ATAD5: variants seen among roughly 807,000 people sequenced by gnomAD.
The protein encoded by ATAD5 is ATPase family AAA domain-containing protein 5.
In ATAD5, 58 loss-of-function variants were observed where a neutral mutation model predicts 176.9. The ratio of observed to expected loss-of-function variants is 0.33; its 90% CI spans 0.27 to 0.41. The LOEUF is 0.41. ATAD5 is among the 10% of genes least tolerant of loss of function. The pLI is 1.00. For missense variants in ATAD5, 1,789 were observed against 2,094.1 expected (o/e 0.85, Z 2.84); for synonymous variants, 640 against 712.6 (o/e 0.90, Z 1.62).
In ATAD5 at chr17:30,836,071, C is replaced by T. The variant is rs557425528; in HGVS notation, c.1967+23C>T. Reference sequence around the variant, plus strand: ...TAGGTAAGGTTTGTTTTTGTTCTAACGTTCTAGTATTCTGCATGTATTATT... The same window carrying T: ...TAGGTAAGGTTTGTTTTTGTTCTAATGTTCTAGTATTCTGCATGTATTATT... On this transcript the variant is annotated intron_variant, in intron 2 of 22. Coordinates refer to ENST00000321990, the MANE Select transcript of ATAD5 (RefSeq NM_024857.5). 5.8e-6 allele frequency: 9 copies of T among 1,542,932 alleles called. No homozygotes were observed. In the South Asian group the frequency reaches 6.4e-5, roughly 11 times the overall value.
chr17:30,868,218 C>T, intron 11 of ATAD5, 115 bp from the exon 12 acceptor site: 1 of 751,996 alleles, frequency 1.3e-6, no homozygotes, highest in Non-Finnish European at 1.9e-6. Context: ...AGTTGAATGG[C>T]CAGTGGCAGA....
At position 30,848,929 on chromosome 17, in the gene ATAD5, G is replaced by T. The variant is rs556018926; in HGVS notation, c.2450+4013G>T. Among the ~76,000 whole-genome samples, 3 of 152,214 alleles carry T rather than the reference G, an allele frequency of 2.0e-5. No homozygotes were observed. The East Asian group carries it at 5.8e-4, about 29-fold the overall frequency. On this transcript the variant is annotated intron_variant, in intron 6 of 22. Coordinates refer to ENST00000321990, the MANE Select transcript of ATAD5 (RefSeq NM_024857.5). The stretch of plus-strand genomic sequence containing the variant: ...TCTGTCGCCCAGACTGGAGTACAGT[G>T]GCATGATCTTGGCTCACTGCAGTCT...
At chr17:30,857,206 G>T in intron 8 of ATAD5, 94 bp downstream of exon 8, 1 of 1,366,778 alleles carries the variant, frequency 7.3e-7, no homozygotes, top group South Asian at 1.4e-5. Flanking sequence ...AGCCTCGAGT[G>T]TTGTCCTAGA....
At chr17:30,859,503 G>A (rs1053788008) in intron 9 of ATAD5, among the ~76,000 whole-genome samples, 5 of 152,092 alleles carry the variant, frequency 3.3e-5, no homozygotes, top group African/African-American at 9.7e-5. Flanking sequence ...GAGATTGCAG[G>A]CACCTGCCAC....
At position 30,876,566 on chromosome 17, in the gene ATAD5, G is replaced by T; in HGVS notation, c.3784+16G>T. On this transcript the variant is annotated intron_variant, in intron 15 of 22. Coordinates refer to ENST00000321990, the MANE Select transcript of ATAD5 (RefSeq NM_024857.5). The stretch of plus-strand genomic sequence containing the variant: ...AATAATAAAGGTAAGACATTAAATT[G>T]ACAAATTTTATATTTTTTAATAATA... The T allele has an allele frequency of 6.8e-7, 1 of 1,480,936 alleles. No individual in the cohort carries two copies. Among genetic ancestry groups the T allele is most frequent in the South Asian group, 1.2e-5 (1 of 80,158 alleles). 91.7% of individuals were successfully genotyped at this position (1,480,936 alleles called of 1,614,324 possible). A position where few individuals can be genotyped will look rare whatever the true frequency, so the allele number is the denominator to read the frequency against.
chr17:30,893,198 G>T, intron 20 of ATAD5, 96 bp from the exon 21 acceptor site: 1 of 1,310,112 alleles, frequency 7.6e-7, no homozygotes, highest in Non-Finnish European at 1.0e-6. Context: ...TCAGTACTTT[G>T]AATTTAGAAT....
Position 30,832,356 on chromosome 17 carries a change from G to A in ATAD5, c.9G>A (p.Gly3=). The change falls in exon 1 of 23, where the codon GGG becomes GGA. Residue 3 remains glycine, a synonymous_variant. Coordinates refer to ENST00000321990, the MANE Select transcript of ATAD5 (RefSeq NM_024857.5). ...TCCGGGAAGCGGGGAGTATGGTGGG[G>A]GTCCTGGCCATGGCGGCTGCAGCTG... MV[G]VLAMAAAAAP... is the part of the protein sequence containing the mutation. 1 of 1,561,462 alleles carries A rather than the reference G, an allele frequency of 6.4e-7. No homozygotes were observed. Among genetic ancestry groups the A allele is most frequent in the Non-Finnish European group, 8.7e-7 (1 of 1,152,696 alleles).
chr17:30,840,624 A>G lies in ATAD5; in HGVS notation c.2084A>G (p.Asn695Ser), dbSNP rs752457480. ...TTTCAATTTTTTGTTTAGGCAAGCA[A>G]TACTTCAAAAAACATATCAAAAGCA... ...GFTSQIRKAS[N>S]TSKNISKAKQ... Residue 695 changes from asparagine to serine, a missense_variant, in exon 4 of 23, where the codon AAT becomes AGT. Physicochemically the swap from Asn to Ser is conservative, Grantham distance 46 (BLOSUM62 1). Transcript: ENST00000321990. The G allele has an allele frequency of 1.6e-5, 24 of 1,516,566 alleles. No homozygotes were observed. Among genetic ancestry groups the G allele is most frequent in the Middle Eastern group, 3.5e-4 (2 of 5,754 alleles). 93.9% of individuals were successfully genotyped at this position (1,516,566 alleles called of 1,614,324 possible). A position where few individuals can be genotyped will look rare whatever the true frequency, so the allele number is the denominator to read the frequency against.
chr17:30,840,913 C>A, intron 4 of ATAD5, 132 bp downstream of exon 4: 1 of 906,944 alleles, frequency 1.1e-6, no homozygotes, highest in South Asian at 2.1e-5. Flanking sequence ...ATATCATTTT[C>A]AGTTTTGCTT....
chr17:30,876,390 T>G lies in ATAD5; in HGVS notation c.3624T>G (p.Pro1208=), dbSNP rs779115404. Residue 1208 remains proline (P), a synonymous_variant, in exon 15 of 23, where the codon CCT becomes CCG. Transcript: ENST00000321990. The stretch of plus-strand genomic sequence containing the variant: ...TTTGGGCAGAAAAAATAAGCTCCCC[T>G]AAGAAAGTTGTTACATCACCAAGAA... ...IGKSPKKISS[P]KKVVTSPRKV... The G allele has an allele frequency of 1.3e-6, 2 of 1,586,636 alleles. No individual in the cohort carries two copies. Among genetic ancestry groups the G allele is most frequent in the Admixed American group, 3.8e-5 (2 of 52,870 alleles).
At chr17:30,893,262 G>T in intron 20 of ATAD5, 32 bp from the exon 21 acceptor site, 1 of 1,537,394 alleles carries the variant, frequency 6.5e-7, no homozygotes. Flanking sequence ...ATGTACTGCT[G>T]TAACATTTCT....
chr17:30,892,262 T>C (rs9916836), intron 19 of ATAD5, among the ~76,000 whole-genome samples: 13,719 of 151,534 alleles, frequency 0.091, 1,775 homozygotes, highest in African/African-American at 0.29. Context: ...CTGTCTCTAC[T>C]AAAAATACAA....
intron 3 of ATAD5, among the ~76,000 whole-genome samples, chr17:30,840,195 TAAAA>T (rs55696194): frequency 2.7e-4 from 29 of 106,064 alleles, no homozygotes; most frequent in African/African-American, 1.0e-3. Context: ...TAGACTCTGT[TAAAA>T]AAAAAAAAAA....
At chr17:30,869,152 T>G in intron 12 of ATAD5, 96 bp from the exon 13 acceptor site, 1 of 1,402,418 alleles carries the variant, frequency 7.1e-7, no homozygotes, top group Non-Finnish European at 9.7e-7. Flanking sequence ...TCAGCATCTA[T>G]TGCAAGAAGT....
intron 4 of ATAD5, among the ~76,000 whole-genome samples, chr17:30,843,026 GA>G (rs561728970): frequency 3.3e-3 from 507 of 151,936 alleles, no homozygotes; most frequent in Non-Finnish European, 5.5e-3. Flanking sequence ...TTACAGGCGT[GA>G]ACCACCGTCC....
chr17:30,852,716 T>A (rs1036822842), intron 6 of ATAD5, among the ~76,000 whole-genome samples: 1 of 151,826 alleles, frequency 6.6e-6, no homozygotes, highest in Non-Finnish European at 1.5e-5. Flanking sequence ...GCGAGAGAAG[T>A]GGCAAGAGAG....
intron 16 of ATAD5, 108 bp downstream of exon 16, chr17:30,877,657 A>C: frequency 1.8e-6 from 2 of 1,142,844 alleles, no homozygotes; most frequent in South Asian, 2.9e-5. Context: ...GGAGGTCAGG[A>C]ATACGTGTAT....
Position 30,877,941 on chromosome 17 carries a change from C to CTAATAATAATACTAATATCAGT in ATAD5, c.3919-60_3919-59insATAATAATACTAATATCAGTTA. 3 of 1,148,460 alleles carry CTAATAATAATACTAATATCAGT rather than the reference C, an allele frequency of 2.6e-6. No homozygotes were observed. In the South Asian group the frequency reaches 4.4e-5, roughly 17 times the overall value. The allele number at this position is 1,148,460 out of a possible 1,614,324, so 71.1% of individuals were successfully genotyped here. A position where few individuals can be genotyped will look rare whatever the true frequency, so the allele number is the denominator to read the frequency against. On this transcript the variant is annotated intron_variant, in intron 16 of 22. Transcript: ENST00000321990. ...GTCTCTAACAGACATAGAATATTTACTATGTATACATAACTGATATTAGTA... is the reference window on the plus strand; with the variant it reads ...GTCTCTAACAGACATAGAATATTTACTAATAATAATACTAATATCAGTTATGTATACATAACTGATATTAGTA...
rs1567683419 is a variant in ATAD5 at position 30,850,821 on chromosome 17, ATT to A, written c.2451-4320_2451-4319del. ...TTATTTTAAAGAAATTATTATTTAT[ATT>A]TATATATTTTTATATATATATATAT... On this transcript the variant is annotated intron_variant, in intron 6 of 22. Transcript: ENST00000321990. 4.3e-3 allele frequency among the ~76,000 whole-genome samples: 288 copies of A among 67,486 alleles called. 9 individuals carry two copies. Among genetic ancestry groups the A allele is most frequent in the African/African-American group, 0.021 (275 of 13,310 alleles). The allele number at this position is 67,486 out of a possible 152,430, so 44.3% of individuals were successfully genotyped here.
Sources: gnomAD v4.1 joint callset for allele counts (sites outside exome capture counted in the v4.1 genomes callset) on GRCh38, gnomAD v4.1.1 for gene constraint, MANE v1.5 for transcripts, NCBI Gene and HGNC (gene_info 2026-07-23, HGNC 2026-07-21) for gene names.